Variants in ZFAND6 observed in about 807,000 individuals in gnomAD.
The protein encoded by ZFAND6 is AN1-type zinc finger protein 6.
A neutral mutation model predicts 24.5 loss-of-function variants in ZFAND6; 12 were observed. The observed-to-expected ratio is 0.49, with a 90% confidence interval of 0.31 to 0.79. ZFAND6 has a LOEUF of 0.79. ZFAND6 is among the 30% of genes least tolerant of loss of function. The probability of loss-of-function intolerance (pLI) is 0.04; values close to 1 mark genes in which losing one functional copy is unlikely to be tolerated. For missense variants in ZFAND6, 207 were observed against 245.9 expected (o/e 0.84, Z 1.06); for synonymous variants, 92 against 81.5 (o/e 1.13, Z -0.69).
intron 2 of ZFAND6, among the ~76,000 whole-genome samples, chr15:80,111,252 C>A (rs955979604): frequency 1.3e-5 from 2 of 152,160 alleles, no homozygotes; most frequent in Non-Finnish European, 2.9e-5. Context: ...CCTTTCTAAT[C>A]CTTTCCCTTC....
intron 2 of ZFAND6, among the ~76,000 whole-genome samples, chr15:80,116,947 T>C (rs2039902278): frequency 6.6e-6 from 1 of 152,248 alleles, no homozygotes; most frequent in Admixed American, 6.5e-5. Context: ...ATGGATCTTC[T>C]GTTCATGAGT....
intron 5 of ZFAND6, 125 bp from the exon 6 acceptor site, chr15:80,131,055 A>G: frequency 1.6e-6 from 1 of 638,450 alleles, no homozygotes. Context: ...TTGTAATTTA[A>G]TGACTAGTTT....
At chr15:80,089,259 GT>G (rs71453501) in intron 1 of ZFAND6, among the ~76,000 whole-genome samples, 340 of 61,108 alleles carry the variant, frequency 5.6e-3, no homozygotes, top group African/African-American at 0.021. Flanking sequence ...GAGTGTGTGT[GT>G]TTTTTTTTTT....
intron 1 of ZFAND6, among the ~76,000 whole-genome samples, chr15:80,064,564 G>A (rs1430882069): frequency 6.6e-6 from 1 of 151,302 alleles, no homozygotes; most frequent in Non-Finnish European, 1.5e-5. Flanking sequence ...GCTATATACT[G>A]CAAATATACA....
intron 5 of ZFAND6, chr15:80,130,943 C>A: frequency 5.0e-6 from 2 of 396,556 alleles, no homozygotes; most frequent in East Asian, 3.6e-5. Flanking sequence ...TAAAGAAAGT[C>A]TATAAAACCA....
chr15:80,133,897 G>C (rs1418237252), intron 6 of ZFAND6, among the ~76,000 whole-genome samples: 1 of 151,988 alleles, frequency 6.6e-6, no homozygotes, highest in African/African-American at 2.4e-5. Context: ...TAAACAATAT[G>C]AACCCTTTTT....
chr15:80,091,288 G>A lies in ZFAND6; in HGVS notation c.-180-7128G>A, dbSNP rs559853303. On this transcript the variant is annotated intron_variant, in intron 1 of 6. Transcript: ENST00000261749. Reference sequence around the variant, plus strand: ...AGGATGTACGTGAAAATCTAGAGGTGTTATTGAGAAGACTGAGTACCACAA... The same window carrying A: ...AGGATGTACGTGAAAATCTAGAGGTATTATTGAGAAGACTGAGTACCACAA... Among the ~76,000 whole-genome samples, 56 of 152,146 alleles carry A rather than the reference G, an allele frequency of 3.7e-4. 2 individuals carry two copies. The South Asian group carries it at 0.011, about 31-fold the overall frequency.
At chr15:80,118,016 T>TTGTGTGTGTGTGTGTGTGTGTG (rs71455308) in intron 2 of ZFAND6, among the ~76,000 whole-genome samples, 24 of 150,418 alleles carry the variant, frequency 1.6e-4, no homozygotes, top group African/African-American at 5.1e-4. Context: ...AGGTATTGAA[T>TTGTGTGTGTGTGTGTGTGTGTG]TGTGTGTGTG....
At chr15:80,097,619 C>T (rs2038802827) in intron 1 of ZFAND6, among the ~76,000 whole-genome samples, 2 of 152,080 alleles carry the variant, frequency 1.3e-5, no homozygotes, top group South Asian at 2.1e-4. Context: ...ATTGCATGCA[C>T]TCCAGCCTGG....
At chr15:80,130,209 G>GT (rs1231147882) in intron 5 of ZFAND6, 41 of 152,202 alleles carry the variant, frequency 2.7e-4, no homozygotes, top group African/African-American at 9.7e-4. Context: ...GAAAATCAGA[G>GT]TGAGAAGCTA....
intron 1 of ZFAND6, among the ~76,000 whole-genome samples, chr15:80,071,101 G>A (rs1228867015): frequency 1.3e-5 from 2 of 152,152 alleles, no homozygotes; most frequent in Admixed American, 6.6e-5. Flanking sequence ...TTGGGCTTCA[G>A]CAGGGTATTG....
chr15:80,071,190 T>G (rs1263372695), intron 1 of ZFAND6, among the ~76,000 whole-genome samples: 1 of 152,248 alleles, frequency 6.6e-6, no homozygotes, highest in African/African-American at 2.4e-5. Context: ...AAAACAATTT[T>G]GTTGGCTTTG....
chr15:80,077,779 AACCTCC>A (rs1313194058), intron 1 of ZFAND6, among the ~76,000 whole-genome samples: 3 of 141,162 alleles, frequency 2.1e-5, no homozygotes, highest in Admixed American at 7.8e-5. Context: ...AGTTCACTGC[AACCTCC>A]ACCTCCCTGG....
At chr15:80,096,999 ATTT>A (rs766620204) in intron 1 of ZFAND6, among the ~76,000 whole-genome samples, 3 of 138,738 alleles carry the variant, frequency 2.2e-5, no homozygotes, top group Non-Finnish European at 1.6e-5. Context: ...AATGTGTTAG[ATTT>A]TTTTTTTTTT....
chr15:80,094,564 G>A (rs1434279291), intron 1 of ZFAND6, among the ~76,000 whole-genome samples: 1 of 144,072 alleles, frequency 6.9e-6, no homozygotes, highest in African/African-American at 2.6e-5. Context: ...TTAACATTTT[G>A]TGCTATTTAC....
intron 1 of ZFAND6, among the ~76,000 whole-genome samples, chr15:80,093,672 C>CCGAGAT (rs1332563836): frequency 2.6e-5 from 4 of 152,178 alleles, no homozygotes; most frequent in Non-Finnish European, 5.9e-5. Flanking sequence ...TTGCAGTGAG[C>CCGAGAT]CGAGATCGCG....
At position 80,095,874 on chromosome 15, in the gene ZFAND6, T is replaced by C. The variant is rs114991634; in HGVS notation, c.-180-2542T>C. On this transcript the variant is annotated intron_variant, in intron 1 of 6. Coordinates refer to ENST00000261749, the MANE Select transcript of ZFAND6 (RefSeq NM_019006.4). Reference sequence around the variant, plus strand: ...TCATATAGTCACTTCTTGTAAGAGATGACTTTCCTGAATTTATAACCATCC... The same window carrying C: ...TCATATAGTCACTTCTTGTAAGAGACGACTTTCCTGAATTTATAACCATCC... Among the ~76,000 whole-genome samples the C allele has an allele frequency of 3.0e-3, 457 of 152,364 alleles. 4 individuals are homozygous for C. The highest frequency in any genetic ancestry group is 0.01 in the African/African-American group (436 of 41,578).
intron 1 of ZFAND6, among the ~76,000 whole-genome samples, chr15:80,092,154 A>T (rs1240025291): frequency 6.6e-6 from 1 of 152,062 alleles, no homozygotes; most frequent in Non-Finnish European, 1.5e-5. Flanking sequence ...TTATCAAAGA[A>T]GATTTATAGA....
intron 1 of ZFAND6, chr15:80,060,611 G>A (rs1003980880): frequency 6.6e-6 from 1 of 152,160 alleles, no homozygotes; most frequent in African/African-American, 2.4e-5. Flanking sequence ...TTTATATTAA[G>A]TTGTTGGGCC....
Sources: allele counts gnomAD v4.1 joint callset (sites outside exome capture counted in the v4.1 genomes callset), GRCh38; gene constraint gnomAD v4.1.1; transcripts MANE v1.5; gene names NCBI Gene and HGNC (gene_info 2026-07-23, HGNC 2026-07-21).